The following PRDM11 variants were observed in gnomAD, a reference collection of about 807,000 sequenced individuals.
PRDM11 encodes the protein PR/SET domain 11.
In PRDM11, 20 loss-of-function variants were observed where a neutral mutation model predicts 97.8. The observed-to-expected ratio is 0.20, with a 90% confidence interval of 0.14 to 0.30. The LOEUF is 0.30. PRDM11 is among the 10% of genes least tolerant of loss of function. The pLI is 1.00. For synonymous variants in PRDM11, 599 were observed against 637.7 expected (o/e 0.94, Z 0.91); for missense variants, 1,139 against 1,555.2 (o/e 0.73, Z 4.50).
intron 1 of PRDM11, among the ~76,000 whole-genome samples, chr11:45,172,707 G>C (rs1852230250): frequency 1.3e-5 from 2 of 152,254 alleles, no homozygotes; most frequent in South Asian, 4.1e-4. Flanking sequence ...CATTGTATAA[G>C]GCATTATAAG....
intron 1 of PRDM11, among the ~76,000 whole-genome samples, chr11:45,126,882 C>G (rs1163896797): frequency 6.6e-6 from 1 of 152,154 alleles, no homozygotes; most frequent in African/African-American, 2.4e-5. Context: ...GAATGTTGGC[C>G]TGCCTTGCTA....
At chr11:45,223,898 G>A (rs1315813188) in intron 6 of PRDM11, among the ~76,000 whole-genome samples, 2 of 152,116 alleles carry the variant, frequency 1.3e-5, no homozygotes, top group Non-Finnish European at 2.9e-5. Flanking sequence ...GTGGGATGTT[G>A]TTTTCTAGGG....
At chr11:45,178,946 C>A (rs1056003664) in intron 1 of PRDM11, among the ~76,000 whole-genome samples, 1 of 152,162 alleles carries the variant, frequency 6.6e-6, no homozygotes, top group Non-Finnish European at 1.5e-5. Flanking sequence ...TAACAAAAGA[C>A]GGTTATACAT....
intron 1 of PRDM11, among the ~76,000 whole-genome samples, chr11:45,165,353 A>G (rs1852036909): frequency 6.6e-6 from 1 of 152,222 alleles, no homozygotes. Context: ...TGCCGGTGCC[A>G]GCAACCGTTC....
intron 1 of PRDM11, among the ~76,000 whole-genome samples, chr11:45,114,604 A>T (rs1361564379): frequency 6.6e-6 from 1 of 152,164 alleles, no homozygotes; most frequent in Non-Finnish European, 1.5e-5. Context: ...AGATAAAAAT[A>T]AAAGGAAGCA....
intron 1 of PRDM11, among the ~76,000 whole-genome samples, chr11:45,107,110 G>T (rs1036813054): frequency 6.6e-6 from 1 of 152,192 alleles, no homozygotes; most frequent in Non-Finnish European, 1.5e-5. Context: ...GCACCCACCT[G>T]GTGTTTAGGG....
In PRDM11 at chr11:45,194,590, CTG is replaced by C. The variant is rs869057527; in HGVS notation, c.487-10119_487-10118del. 6.4e-4 allele frequency among the ~76,000 whole-genome samples: 58 copies of C among 89,956 alleles called. 12 individuals carry two copies. Among genetic ancestry groups the C allele is most frequent in the East Asian group, 1.1e-3 (4 of 3,602 alleles). The allele number at this position is 89,956 out of a possible 152,430, so 59.0% of individuals were successfully genotyped here. On this transcript the variant is annotated intron_variant, in intron 4 of 7. Transcript: ENST00000683152. ...AGTACTGTGGGATAGTTATTATCTT[CTG>C]TTTTTTTTTTTTTTTTTTTTTTTTG...
intron 1 of PRDM11, among the ~76,000 whole-genome samples, chr11:45,107,434 T>TC (rs1852081338): frequency 6.6e-6 from 1 of 152,230 alleles, no homozygotes; most frequent in Non-Finnish European, 1.5e-5. Context: ...GAACCTCTTA[T>TC]GCTCCCCACC....
chr11:45,172,318 T>G (rs2135719822), intron 1 of PRDM11, among the ~76,000 whole-genome samples: 1 of 152,254 alleles, frequency 6.6e-6, no homozygotes, highest in Non-Finnish European at 1.5e-5. Context: ...GAGCTTCATC[T>G]CCAGCCCCTC....
intron 6 of PRDM11, 75 bp from the exon 7 acceptor site, chr11:45,224,142 C>T: frequency 6.7e-7 from 1 of 1,488,658 alleles, no homozygotes; most frequent in Non-Finnish European, 9.0e-7. Context: ...TAACAGGAGG[C>T]CTGCTTTGTT....
chr11:45,199,494 A>G (rs1422057348), intron 4 of PRDM11, among the ~76,000 whole-genome samples: 1 of 152,174 alleles, frequency 6.6e-6, no homozygotes, highest in Non-Finnish European at 1.5e-5. Flanking sequence ...CTTCTTCTCC[A>G]GGCTAAGGGA....
At position 45,230,825 on chromosome 11, in the gene PRDM11, C is replaced by G. The variant is rs752570319; in HGVS notation, c.*2666C>G. On this transcript the variant is annotated 3_prime_UTR_variant, in exon 8 of 8. Coordinates refer to ENST00000683152, the MANE Select transcript of PRDM11 (RefSeq NM_001384648.1). Reference sequence around the variant, plus strand: ...GAGCACCTGGTCAGTTGGAGCTACTCTTTTTCCTCTCAAGAGATCATGGCC... The same window carrying G: ...GAGCACCTGGTCAGTTGGAGCTACTGTTTTTCCTCTCAAGAGATCATGGCC... 1 of 152,222 alleles carries G rather than the reference C, an allele frequency of 6.6e-6. No homozygotes were observed. The highest frequency in any genetic ancestry group is 1.5e-5 in the Non-Finnish European group (1 of 68,054). 9.4% of individuals were successfully genotyped at this position (152,222 alleles called of 1,614,324 possible).
At position 45,177,789 on chromosome 11, in the gene PRDM11, G is replaced by A. The variant is rs868312378; in HGVS notation, c.-6-3972G>A. Among the ~76,000 whole-genome samples, 8 of 152,158 alleles carry A rather than the reference G, an allele frequency of 5.3e-5. No individual in the cohort carries two copies. The South Asian group carries it at 6.2e-4, about 12-fold the overall frequency. ...TCCCTTTATGCTTTGGCTGCCAGGA[G>A]GCTCAGAATTGAATGAAGAACTCAA... On this transcript the variant is annotated intron_variant, in intron 1 of 7. Transcript: ENST00000683152.
At chr11:45,153,939 A>T (rs541464548) in intron 1 of PRDM11, among the ~76,000 whole-genome samples, 3 of 152,324 alleles carry the variant, frequency 2.0e-5, no homozygotes, top group Admixed American at 2.0e-4. Context: ...CCAACTGAAG[A>T]TCACACAGCT....
chr11:45,224,037 T>C (rs558202879), intron 6 of PRDM11, among the ~76,000 whole-genome samples, 180 bp from the exon 7 acceptor site: 7 of 152,376 alleles, frequency 4.6e-5, no homozygotes, highest in African/African-American at 1.7e-4. Flanking sequence ...TCAGGTCCTA[T>C]GAGTCTAGCT....
At chr11:45,171,588 CTG>C (rs1350823591) in intron 1 of PRDM11, among the ~76,000 whole-genome samples, 1 of 152,182 alleles carries the variant, frequency 6.6e-6, no homozygotes, top group Admixed American at 6.5e-5. Flanking sequence ...CCTTTGTAGG[CTG>C]AGGCACCATC....
intron 1 of PRDM11, among the ~76,000 whole-genome samples, chr11:45,106,427 G>C (rs533222329): frequency 2.0e-5 from 3 of 152,230 alleles, no homozygotes; most frequent in African/African-American, 7.2e-5. Flanking sequence ...TTTCTTTGCT[G>C]GTTCTCTCAC....
intron 1 of PRDM11, among the ~76,000 whole-genome samples, chr11:45,170,862 G>A (rs1264110022): frequency 6.6e-6 from 1 of 152,114 alleles, no homozygotes; most frequent in African/African-American, 2.4e-5. Flanking sequence ...CATGGAGGAG[G>A]GGTTAGGTCT....
chr11:45,119,615 GTC>G (rs1852381462), intron 1 of PRDM11, among the ~76,000 whole-genome samples: 1 of 80,540 alleles, frequency 1.2e-5, no homozygotes, highest in African/African-American at 5.6e-5. Flanking sequence ...GCGAGATTCT[GTC>G]TCAAAAAAAA....
Sources: allele counts gnomAD v4.1 joint callset (sites outside exome capture counted in the v4.1 genomes callset), GRCh38; gene constraint gnomAD v4.1.1; transcripts MANE v1.5; gene names NCBI Gene and HGNC (gene_info 2026-07-23, HGNC 2026-07-21).